HMCN2: variants seen among roughly 807,000 people sequenced by gnomAD.
HMCN2 encodes the protein hemicentin 2, also known as hemicentin-2.
Under a neutral mutation model 377.5 loss-of-function variants are expected in HMCN2, and 325 were observed. The observed-to-expected ratio is 0.86, with a 90% CI of 0.79 to 0.94. The LOEUF (loss-of-function observed/expected upper bound fraction) is 0.94. HMCN2 is among the 40% of genes least tolerant of loss of function. The pLI is 0.00. For missense variants in HMCN2, 4,543 were observed against 4,725.3 expected (o/e 0.96, Z 1.13); for synonymous variants, 2,007 against 2,046.8 (o/e 0.98, Z 0.53).
chr9:130,342,910 G>A (rs1839136292), intron 25 of HMCN2, among the ~76,000 whole-genome samples: 1 of 152,162 alleles, frequency 6.6e-6, no homozygotes, highest in South Asian at 2.1e-4. Flanking sequence ...ACGGTGTGGG[G>A]CCGATAGCCA....
chr9:130,394,437 C>T lies in HMCN2; in HGVS notation c.10554C>T (p.Pro3518=), dbSNP rs185956698. 437 of 1,289,672 alleles carry T rather than the reference C, an allele frequency of 3.4e-4. No individual in the cohort carries two copies. The highest frequency in any genetic ancestry group is 2.9e-3 in the African/African-American group (194 of 66,000). 79.9% of individuals were successfully genotyped at this position (1,289,672 alleles called of 1,614,324 possible). A position where few individuals can be genotyped will look rare whatever the true frequency, so the allele number is the denominator to read the frequency against. Residue 3518 remains proline (P), a synonymous_variant, in exon 69 of 98, where the codon CCC becomes CCT. Coordinates refer to ENST00000683500, the MANE Select transcript of HMCN2 (RefSeq NM_001291815.2). This position sits in a 1 kb window ranked among gnomAD's most constrained non-coding sequence, Gnocchi z 5.1. ...SGQPTELSLT[P]GAPMELLCDA... is the part of the protein sequence containing the mutation. ...AGCCTACAGAGCTGTCGCTGACCCC[C>T]GGCGCCCCCATGGAGCTCCTCTGTG... is the stretch of plus-strand genomic sequence containing the variant.
At position 130,265,935 on chromosome 9, in the gene HMCN2, A is replaced by C. The variant is rs1476489413; in HGVS notation, c.57A>C (p.Ala19=). The part of the protein sequence containing the change: ...RLLTAVSAAV[A]VAVAGAPGTV... ...TGACCGCGGTCTCTGCGGCAGTGGC[A>C]GTGGCAGTGGCCGGGGCGCCCGGGA... The change falls in exon 1 of 98, where the codon GCA becomes GCC. Residue 19 remains alanine (A), a synonymous_variant. Coordinates refer to ENST00000683500, the MANE Select transcript of HMCN2 (RefSeq NM_001291815.2). 1 of 437,984 alleles carries C rather than the reference A, an allele frequency of 2.3e-6. No individual in the cohort carries two copies. The highest frequency in any genetic ancestry group is 2.5e-5 in the Admixed American group (1 of 39,966). The allele number at this position is 437,984 out of a possible 1,614,324, so 27.1% of individuals were successfully genotyped here.
chr9:130,279,639 CA>C (rs1835000941), intron 1 of HMCN2, among the ~76,000 whole-genome samples: 2 of 152,336 alleles, frequency 1.3e-5, no homozygotes, highest in South Asian at 4.1e-4. Flanking sequence ...AGGCGTGAGC[CA>C]CCGTGCCCGG....
chr9:130,366,142 T>A, intron 43 of HMCN2, 147 bp downstream of exon 43: 1 of 548,754 alleles, frequency 1.8e-6, no homozygotes, highest in Non-Finnish European at 2.3e-6. Context: ...GTTACAGAAG[T>A]GGTGCTTCCC....
Position 130,394,586 on chromosome 9 carries a change from C to T in HMCN2, c.10692+11C>T, listed in dbSNP as rs750782157. ...GTGGAGAATGTGCAGGTACCAGTGC[C>T]GCCGCCATGGGGCGAGGCTGGGGGT... On this transcript the variant is annotated intron_variant, in intron 69 of 97. Coordinates refer to ENST00000683500, the MANE Select transcript of HMCN2 (RefSeq NM_001291815.2). This position sits in a 1 kb window ranked among gnomAD's most constrained non-coding sequence, Gnocchi z 5.1. The T allele has an allele frequency of 1.1e-5, 14 of 1,276,950 alleles. No individual in the cohort carries two copies. Among genetic ancestry groups the T allele is most frequent in the Middle Eastern group, 2.5e-4 (1 of 4,022 alleles). 79.1% of individuals were successfully genotyped at this position (1,276,950 alleles called of 1,614,324 possible).
intron 8 of HMCN2, among the ~76,000 whole-genome samples, chr9:130,301,571 C>T (rs114493440): frequency 0.015 from 2,237 of 152,272 alleles, 41 homozygotes; most frequent in African/African-American, 0.037. Context: ...CAGAGGCTCC[C>T]AGGGTGCGTG....
intron 1 of HMCN2, among the ~76,000 whole-genome samples, chr9:130,281,582 A>C (rs1482990594): frequency 7.6e-6 from 1 of 131,806 alleles, no homozygotes; most frequent in African/African-American, 3.0e-5. Flanking sequence ...TGGGTGATGG[A>C]GTGAGACTCA....
At position 130,408,924 on chromosome 9, in the gene HMCN2, C is replaced by T; in HGVS notation, c.12870C>T (p.Arg4290=). Residue 4290 remains arginine (R), a synonymous_variant, in exon 84 of 98, where the codon CGC becomes CGT. Transcript: ENST00000683500. ...HQLQNGSLTI[R]RTERDDAGRY... ...TGCAGAATGGCTCGCTGACCATCCG[C>T]AGGACTGAGGCAAGGCGGGGCCTGG... 1 of 1,289,166 alleles carries T rather than the reference C, an allele frequency of 7.8e-7. No individual in the cohort carries two copies. The highest frequency in any genetic ancestry group is 1.0e-6 in the Non-Finnish European group (1 of 988,608). The allele number at this position is 1,289,166 out of a possible 1,614,324, so 79.9% of individuals were successfully genotyped here. A position where few individuals can be genotyped will look rare whatever the true frequency, so the allele number is the denominator to read the frequency against.
chr9:130,385,141 T>C (rs1841952952), intron 59 of HMCN2, among the ~76,000 whole-genome samples: 1 of 150,664 alleles, frequency 6.6e-6, no homozygotes, highest in Non-Finnish European at 1.5e-5. Context: ...GGCTGGTCCA[T>C]TCACTTGCAC....
At chr9:130,291,077 G>A (rs1301707901) in intron 4 of HMCN2, among the ~76,000 whole-genome samples, 1 of 152,180 alleles carries the variant, frequency 6.6e-6, no homozygotes, top group Non-Finnish European at 1.5e-5. Flanking sequence ...ACTTGGGGCT[G>A]AATGTGGCTT....
chr9:130,315,189 C>A (rs1225275618), intron 15 of HMCN2, among the ~76,000 whole-genome samples: 3 of 20,832 alleles, frequency 1.4e-4, no homozygotes, highest in African/African-American at 7.0e-4. Context: ...TCCCTTCCTC[C>A]CTCCCTCCCC....
Position 130,407,620 on chromosome 9 carries a change from C to G in HMCN2, c.12603C>G (p.Val4201=). The change falls in exon 83 of 98, where the codon GTC becomes GTG. Residue 4201 remains valine, a synonymous_variant. Coordinates refer to ENST00000683500, the MANE Select transcript of HMCN2 (RefSeq NM_001291815.2). ...DGGSTLQRAA[V]SREDSGTYVC... is the part of the protein sequence containing the mutation. ...GCAGCACGCTGCAGCGGGCCGCTGTCTCCAGAGAAGACAGCGGGACCTATG... is the reference window on the plus strand; with the variant it reads ...GCAGCACGCTGCAGCGGGCCGCTGTGTCCAGAGAAGACAGCGGGACCTATG... 8 of 1,288,634 alleles carry G rather than the reference C, an allele frequency of 6.2e-6. No individual in the cohort carries two copies. The highest frequency in any genetic ancestry group is 8.1e-6 in the Non-Finnish European group (8 of 988,184). The allele number at this position is 1,288,634 out of a possible 1,614,324, so 79.8% of individuals were successfully genotyped here. A position where few individuals can be genotyped will look rare whatever the true frequency, so the allele number is the denominator to read the frequency against.
rs747476731 is a variant in HMCN2 at position 130,427,632 on chromosome 9, C to A, written c.14065+13C>A. ...AGGAACTGCAGAGGTGAGGGAGCTG[C>A]CGGGAGGAGGGAGGAGACGCGCTCC... On this transcript the variant is annotated intron_variant, in intron 92 of 97. Transcript: ENST00000683500. 6.5e-7 allele frequency: 1 copy of A among 1,547,438 alleles called. No homozygotes were observed. The highest frequency in any genetic ancestry group is 1.2e-5 in the South Asian group (1 of 83,560).
rs1844681776 is a variant in HMCN2, at chr9:130,430,549, T to C, written c.14592T>C (p.Ser4864=). ...SLRPGPMALS[S]VGRAWCPPGF... ...GTCCGGGTCCCATGGCCCTGAGCAG[T>C]GTGGGCCGGGCCTGGTGCCCTCCTG... Residue 4864 remains serine, a synonymous_variant, in exon 95 of 98, where the codon AGT becomes AGC. Transcript: ENST00000683500. 2 of 1,550,404 alleles carry C rather than the reference T, an allele frequency of 1.3e-6. No homozygotes were observed. Among genetic ancestry groups the C allele is most frequent in the African/African-American group, 1.4e-5 (1 of 73,052 alleles).
chr9:130,311,253 G>C (rs1438824411), intron 15 of HMCN2, among the ~76,000 whole-genome samples: 1 of 152,246 alleles, frequency 6.6e-6, no homozygotes, highest in Non-Finnish European at 1.5e-5. Context: ...GGCTGGGCCA[G>C]GGCTGGCTGG....
intron 1 of HMCN2, among the ~76,000 whole-genome samples, chr9:130,283,314 A>G (rs1345780928): frequency 6.6e-6 from 1 of 152,102 alleles, no homozygotes; most frequent in Non-Finnish European, 1.5e-5. Context: ...CATATACAAC[A>G]TAAGTAGAAG....
intron 11 of HMCN2, 117 bp downstream of exon 11, chr9:130,305,119 C>T (rs931399446): frequency 2.6e-6 from 1 of 377,466 alleles, no homozygotes; most frequent in African/African-American, 2.1e-5. Flanking sequence ...CAATAGCAGC[C>T]TTTTCAGTGT....
At chr9:130,273,796 C>G (rs1309647180) in intron 1 of HMCN2, among the ~76,000 whole-genome samples, 1 of 152,108 alleles carries the variant, frequency 6.6e-6, no homozygotes, top group African/African-American at 2.4e-5. Flanking sequence ...CCGCGCCCGG[C>G]CATCTTGTCT....
Position 130,296,776 on chromosome 9 carries a change from C to T in HMCN2, c.994C>T (p.Leu332Phe), listed in dbSNP as rs569237884. The change falls in exon 7 of 98, where the codon CTC becomes TTC. Residue 332 changes from leucine (L) to phenylalanine (F), a missense_variant. Leu to Phe is a conservative substitution (Grantham distance 22). This residue lies in a region of HMCN2 where 547 missense variants were observed against 189.9 expected (regional missense o/e 2.88). Transcript: ENST00000683500. ...TQPLLDLNHTLEWPLQGVPIS... is the reference protein window; with the variant it reads ...TQPLLDLNHTFEWPLQGVPIS... ...GCCCTTGCTGGACCTCAACCACACC[C>T]TCGAGTGGCCCTTGCAAGGTACAGT... 2.1e-6 allele frequency: 1 copy of T among 471,210 alleles called. No homozygotes were observed. Among genetic ancestry groups the T allele is most frequent in the East Asian group, 6.9e-5 (1 of 14,404 alleles). 29.2% of individuals were successfully genotyped at this position (471,210 alleles called of 1,614,324 possible).
Sources: gnomAD v4.1 joint callset for allele counts (sites outside exome capture counted in the v4.1 genomes callset) on GRCh38, gnomAD v4.1.1 for gene constraint, gnomAD v4.1.1 regional missense constraint, Gnocchi (gnomAD v3.1) non-coding constraint, MANE v1.5 for transcripts, NCBI Gene and HGNC (gene_info 2026-07-23, HGNC 2026-07-21) for gene names.